The following FTCDNL1 variants were observed in gnomAD, a reference collection of about 807,000 sequenced individuals.
The protein encoded by FTCDNL1 is formiminotransferase cyclodeaminase N-terminal like, also known as formiminotransferase N-terminal subdomain-containing protein.
A neutral mutation model predicts 5.9 loss-of-function variants in FTCDNL1; 11 were observed. That is an observed-to-expected ratio of 1.87 (90% CI 1.18 to 3.10). FTCDNL1 has a LOEUF of 3.10. FTCDNL1 is among the 30% of genes most tolerant of loss of function. The pLI is 0.00. For synonymous variants in FTCDNL1, 58 were observed against 24.8 expected, an observed-to-expected ratio of 2.34 and a Z score of -3.99; for missense variants, 115 against 65.5, an observed-to-expected ratio of 1.76 and a Z score of -2.61.
chr2:199,666,730 C>A, the FTCDNL1 span, among the ~76,000 whole-genome samples: 2 of 152,128 alleles, frequency 1.3e-5, no homozygotes, highest in Admixed American at 1.3e-4. Context: ...GCCTGACCAA[C>A]ATGGTGAAGC....
At chr2:199,821,622 A>C (rs1270836458) in intron 3 of FTCDNL1, among the ~76,000 whole-genome samples, 1 of 149,672 alleles carries the variant, frequency 6.7e-6, no homozygotes, top group Non-Finnish European at 1.5e-5. Flanking sequence ...CCGCTACCAC[A>C]CCTGGTTAAT....
chr2:199,739,842 TAG>T, the FTCDNL1 span, among the ~76,000 whole-genome samples: 1 of 152,184 alleles, frequency 6.6e-6, no homozygotes, highest in African/African-American at 2.4e-5. Context: ...AGAGCAAATC[TAG>T]ACTTACCAGT....
Position 199,819,664 on chromosome 2 carries a change from C to G in FTCDNL1, c.305G>C (p.Arg102Thr). 1.4e-6 allele frequency: 1 copy of G among 702,320 alleles called. No individual in the cohort carries two copies. The highest frequency in any genetic ancestry group is 2.6e-6 in the Non-Finnish European group (1 of 384,800). 43.5% of individuals were successfully genotyped at this position (702,320 alleles called of 1,614,324 possible). Reference sequence around the variant, plus strand: ...CGTGAACCAGCCCAGCTGCTTCCTTCTCTGCACAAGACTGCGCTTCTCAGG... The same window carrying G: ...CGTGAACCAGCCCAGCTGCTTCCTTGTCTGCACAAGACTGCGCTTCTCAGG... ...DLPEKRSLVQ[R>T]RKQLGWFTRR... The change falls in exon 4 of 5, where the codon AGA (arginine) becomes ACA (threonine). Residue 102 changes from arginine (R) to threonine (T), a missense_variant. Physicochemically the swap from Arg to Thr is moderately conservative, Grantham distance 71. Coordinates refer to ENST00000420128, the MANE Select transcript of FTCDNL1 (RefSeq NM_001363886.2).
At chr2:199,726,381 A>T in the FTCDNL1 span, among the ~76,000 whole-genome samples, 2 of 152,140 alleles carry the variant, frequency 1.3e-5, no homozygotes, top group East Asian at 3.9e-4. Context: ...TGTGAAGTCT[A>T]CTTCTGTCAA....
chr2:199,787,728 A>G (rs979950740), intron 3 of FTCDNL1, among the ~76,000 whole-genome samples: 7 of 152,182 alleles, frequency 4.6e-5, no homozygotes, highest in African/African-American at 1.7e-4. Flanking sequence ...TGGGGGAAAA[A>G]AATACAAATG....
At chr2:199,795,009 T>A (rs1700104796) in intron 3 of FTCDNL1, among the ~76,000 whole-genome samples, 1 of 152,220 alleles carries the variant, frequency 6.6e-6, no homozygotes, top group Non-Finnish European at 1.5e-5. Context: ...CAAGGTCAGA[T>A]TCTGGCTCCA....
the FTCDNL1 span, among the ~76,000 whole-genome samples, chr2:199,742,959 G>A: frequency 7.2e-5 from 11 of 152,200 alleles, no homozygotes; most frequent in Non-Finnish European, 7.3e-5. Context: ...GAAAATAAGC[G>A]AGCATTATAA....
At chr2:199,693,831 A>G in the FTCDNL1 span, among the ~76,000 whole-genome samples, 3 of 152,224 alleles carry the variant, frequency 2.0e-5, no homozygotes, top group African/African-American at 7.2e-5. Context: ...GATCAGGTAC[A>G]TATTTGTATG....
chr2:199,711,092 C>G, the FTCDNL1 span, among the ~76,000 whole-genome samples: 2 of 151,946 alleles, frequency 1.3e-5, no homozygotes, highest in African/African-American at 4.8e-5. Context: ...TACAAGAAAA[C>G]AGCCACAGTA....
the FTCDNL1 span, among the ~76,000 whole-genome samples, chr2:199,721,204 G>A: frequency 6.6e-6 from 1 of 152,122 alleles, no homozygotes; most frequent in Non-Finnish European, 1.5e-5. Flanking sequence ...GTGGTTTGCT[G>A]CACCTATCAA....
At chr2:199,677,426 T>C in the FTCDNL1 span, among the ~76,000 whole-genome samples, 1 of 152,172 alleles carries the variant, frequency 6.6e-6, no homozygotes, top group African/African-American at 2.4e-5. Context: ...TCATGCCATC[T>C]AGGAATAACT....
chr2:199,838,424 C>T lies in FTCDNL1; in HGVS notation c.211+7651G>A, dbSNP rs150205077. ...TGTTTACTTTCATTTCTTCCAAAAA[C>T]CCCCAGGAAAAAAAATGGTATAAAG... On this transcript the variant is annotated intron_variant, in intron 3 of 4. Coordinates refer to ENST00000420128, the MANE Select transcript of FTCDNL1 (RefSeq NM_001363886.2). 3.5e-3 allele frequency among the ~76,000 whole-genome samples: 538 copies of T among 152,212 alleles called. 4 individuals carry two copies. The highest frequency in any genetic ancestry group is 0.012 in the African/African-American group (499 of 41,524).
the FTCDNL1 span, among the ~76,000 whole-genome samples, chr2:199,703,706 C>T: frequency 6.6e-6 from 1 of 152,150 alleles, no homozygotes; most frequent in African/African-American, 2.4e-5. Flanking sequence ...TCAACCTCTG[C>T]AACTGGCAAC....
chr2:199,768,837 G>A (rs1025475876), intron 3 of FTCDNL1, among the ~76,000 whole-genome samples: 1 of 152,118 alleles, frequency 6.6e-6, no homozygotes, highest in African/African-American at 2.4e-5. Flanking sequence ...GCTGAGATTG[G>A]AGGTAAGAAT....
intron 3 of FTCDNL1, among the ~76,000 whole-genome samples, chr2:199,824,242 T>C (rs2106535969): frequency 6.6e-6 from 1 of 152,362 alleles, no homozygotes; most frequent in Non-Finnish European, 1.5e-5. Flanking sequence ...TTCAATCTCA[T>C]GAACCAACCT....
chr2:199,801,920 A>G (rs1204239126), intron 3 of FTCDNL1, among the ~76,000 whole-genome samples: 16 of 151,064 alleles, frequency 1.1e-4, no homozygotes, highest in African/African-American at 3.2e-4. Flanking sequence ...CCTGGGCGAC[A>G]GAGCGAGACT....
the FTCDNL1 span, among the ~76,000 whole-genome samples, chr2:199,709,086 A>G: frequency 7.2e-5 from 11 of 152,112 alleles, no homozygotes; most frequent in Non-Finnish European, 1.3e-4. Flanking sequence ...TCCCGATACT[A>G]TACTCCCTGT....
chr2:199,751,405 A>G, the FTCDNL1 span, among the ~76,000 whole-genome samples: 1 of 152,186 alleles, frequency 6.6e-6, no homozygotes, highest in Non-Finnish European at 1.5e-5. Context: ...AGGACAAGAC[A>G]TGACTGAAGG....
At chr2:199,794,425 G>A (rs577097408) in intron 3 of FTCDNL1, among the ~76,000 whole-genome samples, 8 of 152,266 alleles carry the variant, frequency 5.3e-5, no homozygotes, top group African/African-American at 1.9e-4. Flanking sequence ...TAATAACCAC[G>A]TTTCTACTTC....
Sources: allele counts gnomAD v4.1 joint callset (sites outside exome capture counted in the v4.1 genomes callset), GRCh38; gene constraint gnomAD v4.1.1; transcripts MANE v1.5; gene names NCBI Gene and HGNC (gene_info 2026-07-23, HGNC 2026-07-21).